Variants in SLIT3 observed in about 807,000 individuals in gnomAD.
SLIT3 encodes slit guidance ligand 3.
Under a neutral mutation model 184.0 loss-of-function variants are expected in SLIT3, and 68 were observed. The ratio of observed to expected loss-of-function variants is 0.37; its 90% CI spans 0.30 to 0.45. SLIT3 has a LOEUF of 0.45. SLIT3 is among the 20% of genes least tolerant of loss of function. SLIT3 has a pLI of 1.00. For missense variants in SLIT3, 1,707 were observed against 2,026.0 expected (o/e 0.84, Z 3.02); for synonymous variants, 831 against 828.6 (o/e 1.00, Z -0.05).
intron 3 of SLIT3, among the ~76,000 whole-genome samples, chr5:169,200,477 C>T (rs1442028893): frequency 6.6e-6 from 1 of 152,170 alleles, no homozygotes; most frequent in South Asian, 2.1e-4. Flanking sequence ...CTCCAAGTCA[C>T]CCCCAATGGA....
intron 3 of SLIT3, among the ~76,000 whole-genome samples, chr5:169,220,782 A>G (rs113217535): frequency 6.6e-6 from 1 of 152,236 alleles, no homozygotes; most frequent in African/African-American, 2.4e-5. Context: ...GTCATCTCAC[A>G]TGCCTGCTCC....
chr5:169,059,269 C>T (rs954512999), intron 4 of SLIT3, among the ~76,000 whole-genome samples: 2 of 152,012 alleles, frequency 1.3e-5, no homozygotes, highest in African/African-American at 2.4e-5. Context: ...GCACTGTCCC[C>T]CCTCTAGGAG....
chr5:168,806,351 G>A, intron 9 of SLIT3, 95 bp downstream of exon 9: 1 of 1,358,008 alleles, frequency 7.4e-7, no homozygotes, highest in East Asian at 2.3e-5. Context: ...AGCTCCAGCA[G>A]CCCCACACGC....
At chr5:169,143,406 G>A (rs1761808923) in intron 4 of SLIT3, among the ~76,000 whole-genome samples, 1 of 152,184 alleles carries the variant, frequency 6.6e-6, no homozygotes, top group Non-Finnish European at 1.5e-5. Context: ...CTAAAGGTTA[G>A]TACAGCTAGG....
intron 7 of SLIT3, among the ~76,000 whole-genome samples, chr5:168,822,091 CT>C (rs1757553422): frequency 6.6e-6 from 1 of 152,102 alleles, no homozygotes; most frequent in African/African-American, 2.4e-5. Context: ...TGAAATCTTG[CT>C]TTTCTAACAA....
intron 4 of SLIT3, among the ~76,000 whole-genome samples, chr5:168,891,306 T>C (rs1021999788): frequency 9.2e-5 from 14 of 152,056 alleles, no homozygotes; most frequent in African/African-American, 3.4e-4. Context: ...AATGATGACA[T>C]TTAATCTGTA....
At chr5:169,126,418 G>A (rs932586018) in intron 4 of SLIT3, among the ~76,000 whole-genome samples, 2 of 152,180 alleles carry the variant, frequency 1.3e-5, no homozygotes, top group Non-Finnish European at 1.5e-5. Context: ...AAGATATTTT[G>A]TAATCCTCAG....
At chr5:169,097,121 T>C (rs972379345) in intron 4 of SLIT3, among the ~76,000 whole-genome samples, 1 of 152,188 alleles carries the variant, frequency 6.6e-6, no homozygotes, top group Admixed American at 6.5e-5. Context: ...CGGGTTAAGA[T>C]TCCTTGTTAG....
intron 12 of SLIT3, among the ~76,000 whole-genome samples, chr5:168,783,565 T>C (rs1483867017): frequency 6.6e-6 from 1 of 152,138 alleles, no homozygotes; most frequent in Non-Finnish European, 1.5e-5. Flanking sequence ...TACCCATAAT[T>C]TGAGAGATGG....
At chr5:169,144,743 T>C (rs994032665) in intron 4 of SLIT3, among the ~76,000 whole-genome samples, 2 of 152,216 alleles carry the variant, frequency 1.3e-5, no homozygotes, top group African/African-American at 2.4e-5. Flanking sequence ...GAATGCCCAA[T>C]GGCCAAGACC....
rs73317651 is a variant in SLIT3, at chr5:169,190,852, T to G, written c.413+2627A>C. On this transcript the variant is annotated intron_variant, in intron 4 of 35. Transcript: ENST00000519560. ...GATTTCTAATTTGTACCCTGCTTAC[T>G]TCCAAAAAGGCTCTGGAGTGGCTGA... Among the ~76,000 whole-genome samples, 276 of 152,272 alleles carry G rather than the reference T, an allele frequency of 1.8e-3. 3 individuals carry two copies. The highest frequency in any genetic ancestry group is 6.5e-3 in the African/African-American group (269 of 41,552).
At chr5:168,945,323 C>T (rs1762440419) in intron 4 of SLIT3, among the ~76,000 whole-genome samples, 2 of 151,884 alleles carry the variant, frequency 1.3e-5, no homozygotes, top group African/African-American at 4.8e-5. Flanking sequence ...CTGCAACCTC[C>T]ACCTCCCAGG....
chr5:169,298,525 G>A (rs1043008811), intron 1 of SLIT3, among the ~76,000 whole-genome samples: 5 of 152,162 alleles, frequency 3.3e-5, no homozygotes, highest in Admixed American at 1.3e-4. Context: ...AGATGTAGTT[G>A]CGAGACCCCA....
chr5:168,784,796 A>C (rs1343608261), intron 12 of SLIT3, among the ~76,000 whole-genome samples: 1 of 151,956 alleles, frequency 6.6e-6, no homozygotes, highest in African/African-American at 2.4e-5. Flanking sequence ...GGGTCCTCTG[A>C]ACTTTACGTA....
chr5:169,157,398 C>T (rs1580997880), intron 4 of SLIT3, among the ~76,000 whole-genome samples: 2 of 152,294 alleles, frequency 1.3e-5, no homozygotes, highest in Admixed American at 6.5e-5. Flanking sequence ...GGCATGCTTG[C>T]CCTCCCAGCC....
chr5:169,257,188 C>T (rs1482915163), intron 1 of SLIT3, among the ~76,000 whole-genome samples: 1 of 152,168 alleles, frequency 6.6e-6, no homozygotes, highest in Non-Finnish European at 1.5e-5. Flanking sequence ...GTACTATATG[C>T]TGCCTTCAGG....
At chr5:169,205,790 G>C (rs1764048442) in intron 3 of SLIT3, among the ~76,000 whole-genome samples, 2 of 152,200 alleles carry the variant, frequency 1.3e-5, no homozygotes, top group African/African-American at 4.8e-5. Flanking sequence ...TATTTCATTA[G>C]GCACCTTCCA....
At chr5:169,298,287 A>G (rs1217241329) in intron 1 of SLIT3, among the ~76,000 whole-genome samples, 7 of 152,160 alleles carry the variant, frequency 4.6e-5, no homozygotes, top group Admixed American at 3.3e-4. Flanking sequence ...TAACGACTGC[A>G]GCAGGGGGCC....
chr5:168,966,993 T>C (rs897343634), intron 4 of SLIT3, among the ~76,000 whole-genome samples: 1 of 152,154 alleles, frequency 6.6e-6, no homozygotes, highest in Admixed American at 6.5e-5. Flanking sequence ...CCCAAAAATA[T>C]ATGTACAAGG....
Sources: gnomAD v4.1 joint callset for allele counts (sites outside exome capture counted in the v4.1 genomes callset) on GRCh38, gnomAD v4.1.1 for gene constraint, MANE v1.5 for transcripts, NCBI Gene and HGNC (gene_info 2026-07-23, HGNC 2026-07-21) for gene names.